ZNF706: variants seen among roughly 807,000 people sequenced by gnomAD.
The protein encoded by ZNF706 is transcriptional regulator ZNF706.
Under a neutral mutation model 9.2 loss-of-function variants are expected in ZNF706, and 4 were observed. The ratio of observed to expected loss-of-function variants is 0.43; its 90% CI spans 0.21 to 0.99. The LOEUF (loss-of-function observed/expected upper bound fraction) is 0.99, where lower values mean the gene tolerates loss of function less well. Among genes scored for constraint, ZNF706 ranks in the 50% least tolerant of loss-of-function variants. The pLI, the probability that ZNF706 is intolerant of heterozygous loss-of-function variation, is 0.26. For synonymous variants in ZNF706, 28 were observed against 27.3 expected (o/e 1.03, Z -0.08); for missense variants, 27 against 87.8 (o/e 0.31, Z 2.77).
rs1394422646 is a variant in ZNF706 at position 101,198,740 on chromosome 8, C to G, written c.*512G>C. ...CAGATAAGTCATTTTTCACCTAGAT[C>G]ATCAGCTGCCCATAAAATCGTATGC... On this transcript the variant is annotated 3_prime_UTR_variant, in exon 4 of 4. Transcript: ENST00000311212. 6.5e-6 allele frequency: 1 copy of G among 153,196 alleles called. No homozygotes were observed. The highest frequency in any genetic ancestry group is 1.5e-5 in the Non-Finnish European group (1 of 68,512). 9.5% of individuals were successfully genotyped at this position (153,196 alleles called of 1,614,324 possible). A position where few individuals can be genotyped will look rare whatever the true frequency, so the allele number is the denominator to read the frequency against.
In ZNF706 at chr8:101,201,569, C is replaced by A; in HGVS notation, c.135+38G>T. ...TTAATCTATTCAAGCCAAAACTGCC[C>A]ACGGGAGAGCTGTATCTTTCAATTC... On this transcript the variant is annotated intron_variant, in intron 2 of 3. Coordinates refer to ENST00000311212, the MANE Select transcript of ZNF706 (RefSeq NM_016096.5). This position sits in a 1 kb window ranked among gnomAD's most constrained non-coding sequence, Gnocchi z 4.5. 3 of 1,588,414 alleles carry A rather than the reference C, an allele frequency of 1.9e-6. No individual in the cohort carries two copies. The highest frequency in any genetic ancestry group is 2.6e-6 in the Non-Finnish European group (3 of 1,168,470).
chr8:101,204,856 T>C (rs1418469975), intron 1 of ZNF706: 3 of 985,424 alleles, frequency 3.0e-6, no homozygotes, highest in Admixed American at 6.1e-5. Context: ...TCCATAACCA[T>C]CGGAAAGGAA....
At chr8:101,199,882 G>T in intron 3 of ZNF706, 108 bp downstream of exon 3, 1 of 734,738 alleles carries the variant, frequency 1.4e-6, no homozygotes, top group Non-Finnish European at 2.2e-6. Context: ...AAAAGGGGAA[G>T]CAATAAAATC....
Position 101,198,380 on chromosome 8 carries a change from C to G in ZNF706, c.*872G>C, listed in dbSNP as rs1810437714. On this transcript the variant is annotated 3_prime_UTR_variant, in exon 4 of 4. Coordinates refer to ENST00000311212, the MANE Select transcript of ZNF706 (RefSeq NM_016096.5). ...TGGCCAAATAGTAACTTCCAAAAAC[C>G]TCAAAAATTAATGTTTCAATTTCAA... The G allele has an allele frequency of 6.6e-6, 1 of 152,060 alleles. No homozygotes were observed. Among genetic ancestry groups the G allele is most frequent in the Non-Finnish European group, 1.5e-5 (1 of 67,990 alleles). The allele number at this position is 152,060 out of a possible 1,614,324, so 9.4% of individuals were successfully genotyped here. A position where few individuals can be genotyped will look rare whatever the true frequency, so the allele number is the denominator to read the frequency against.
At chr8:101,204,505 A>T in intron 1 of ZNF706, 1 of 529,666 alleles carries the variant, frequency 1.9e-6, no homozygotes, top group Non-Finnish European at 2.4e-6. Context: ...AGAAATTCAA[A>T]CGAACCAACC....
At chr8:101,203,425 C>G (rs1810636988) in intron 1 of ZNF706, 1 of 152,096 alleles carries the variant, frequency 6.6e-6, no homozygotes, top group Non-Finnish European at 1.5e-5. Context: ...GGGAAGGGTG[C>G]TAGCTTCTTC....
rs933727109 is a variant in ZNF706, at chr8:101,198,568, C to T, written c.*684G>A. ...TCACAAGGGCTCACTGACAATCCAA[C>T]CGCTTTTAGGAAGCTATCAGTTATC... On this transcript the variant is annotated 3_prime_UTR_variant, in exon 4 of 4. Transcript: ENST00000311212. 6.6e-6 allele frequency: 1 copy of T among 152,196 alleles called. No individual in the cohort carries two copies. Among genetic ancestry groups the T allele is most frequent in the African/African-American group, 2.4e-5 (1 of 41,446 alleles). The allele number at this position is 152,196 out of a possible 1,614,324, so 9.4% of individuals were successfully genotyped here.
chr8:101,200,054 C>G lies in ZNF706; in HGVS notation c.179G>C (p.Ser60Thr). 1 of 1,612,342 alleles carries G rather than the reference C, an allele frequency of 6.2e-7. No homozygotes were observed. The highest frequency in any genetic ancestry group is 8.5e-7 in the Non-Finnish European group (1 of 1,179,674). Residue 60 changes from serine (S) to threonine (T), a missense_variant, in exon 3 of 4, where the codon AGC (serine) becomes ACC (threonine). Physicochemically the swap from Ser to Thr is moderately conservative, Grantham distance 58 (BLOSUM62 1). Transcript: ENST00000311212. ...AGGAAGTGGAGTCTTAGGATGCTTG[C>G]TCTCAAAGTGCTGCTTGAAGGTCTT... The part of the protein sequence containing the change: ...DPKTFKQHFE[S>T]KHPKTPLPPE...
chr8:101,204,516 A>G (rs1036920524), intron 1 of ZNF706: 5 of 620,762 alleles, frequency 8.1e-6, no homozygotes, highest in Non-Finnish European at 1.0e-5. Context: ...CGAACCAACC[A>G]CCTGCTTTTG....
Position 101,200,098 on chromosome 8 carries a change from C to T in ZNF706, c.136-1G>A. On this transcript the variant is annotated splice_acceptor_variant, in intron 2 of 3. Coordinates refer to ENST00000311212, the MANE Select transcript of ZNF706 (RefSeq NM_016096.5). LOFTEE classifies it high-confidence loss of function. ...AGGTCTTAGGGTCTGGCATTTGTGT[C>T]TAACAAAAAATTGTGCAAAAGAGAG... is the stretch of plus-strand genomic sequence containing the variant. The T allele has an allele frequency of 6.2e-7, 1 of 1,611,892 alleles. No homozygotes were observed. Among genetic ancestry groups the T allele is most frequent in the Non-Finnish European group, 8.5e-7 (1 of 1,179,114 alleles).
In ZNF706 at chr8:101,199,066, A is replaced by C. The variant is rs1291315110; in HGVS notation, c.*186T>G. 4 of 477,404 alleles carry C rather than the reference A, an allele frequency of 8.4e-6. No homozygotes were observed. The highest frequency in any genetic ancestry group is 1.5e-5 in the Non-Finnish European group (4 of 268,508). 29.6% of individuals were successfully genotyped at this position (477,404 alleles called of 1,614,324 possible). A position where few individuals can be genotyped will look rare whatever the true frequency, so the allele number is the denominator to read the frequency against. ...TTTTCATATTTCCAAATCAGAGTCAACTGTACATTTACACAGAATTGTCTT... is the reference window on the plus strand; with the variant it reads ...TTTTCATATTTCCAAATCAGAGTCACCTGTACATTTACACAGAATTGTCTT... On this transcript the variant is annotated 3_prime_UTR_variant, in exon 4 of 4. Coordinates refer to ENST00000311212, the MANE Select transcript of ZNF706 (RefSeq NM_016096.5).
rs1810401207 is a variant in ZNF706, at chr8:101,197,430, T to C, written c.*1822A>G. 1 of 151,994 alleles carries C rather than the reference T, an allele frequency of 6.6e-6. No individual in the cohort carries two copies. The highest frequency in any genetic ancestry group is 2.4e-5 in the African/African-American group (1 of 41,374). 9.4% of individuals were successfully genotyped at this position (151,994 alleles called of 1,614,324 possible). A position where few individuals can be genotyped will look rare whatever the true frequency, so the allele number is the denominator to read the frequency against. ...TAAGATCAATGCAGCTATTTCCCTA[T>C]CACTGAGATATAGTGTTAAATATGG... On this transcript the variant is annotated 3_prime_UTR_variant, in exon 4 of 4. Coordinates refer to ENST00000311212, the MANE Select transcript of ZNF706 (RefSeq NM_016096.5).
At position 101,201,016 on chromosome 8, in the gene ZNF706, G is replaced by A. The variant is rs563524233; in HGVS notation, c.135+591C>T. The A allele has an allele frequency of 2.1e-3, 536 of 250,002 alleles. 2 individuals carry two copies. Among genetic ancestry groups the A allele is most frequent in the Admixed American group, 4.6e-3 (98 of 21,086 alleles). 15.5% of individuals were successfully genotyped at this position (250,002 alleles called of 1,614,324 possible). Reference sequence around the variant, plus strand: ...GTCAGTTTACTCTTCTGTAAAATGAGAACAATAAAAGTACTTTATCTTATA... The same window carrying A: ...GTCAGTTTACTCTTCTGTAAAATGAAAACAATAAAAGTACTTTATCTTATA... On this transcript the variant is annotated intron_variant, in intron 2 of 3. Transcript: ENST00000311212. This position sits in a 1 kb window ranked among gnomAD's most constrained non-coding sequence, Gnocchi z 4.5.
chr8:101,203,758 A>G (rs1810648713), intron 1 of ZNF706: 1 of 152,186 alleles, frequency 6.6e-6, no homozygotes, highest in African/African-American at 2.4e-5. Context: ...ACAATGGTAA[A>G]TATTACCAGC....
At position 101,201,221 on chromosome 8, in the gene ZNF706, A is replaced by G. The variant is rs1167265334; in HGVS notation, c.135+386T>C. On this transcript the variant is annotated intron_variant, in intron 2 of 3. Transcript: ENST00000311212. This position sits in a 1 kb window ranked among gnomAD's most constrained non-coding sequence, Gnocchi z 4.5. ...TCTATATGGTTTTACAGACATCCTA[A>G]TTATAAATTTAGTGAAGAAAAAACC... is the stretch of plus-strand genomic sequence containing the variant. The G allele has an allele frequency of 5.7e-6, 1 of 173,930 alleles. No individual in the cohort carries two copies. Among genetic ancestry groups the G allele is most frequent in the Non-Finnish European group, 1.2e-5 (1 of 81,092 alleles). The allele number at this position is 173,930 out of a possible 1,614,324, so 10.8% of individuals were successfully genotyped here. A position where few individuals can be genotyped will look rare whatever the true frequency, so the allele number is the denominator to read the frequency against.
At position 101,197,965 on chromosome 8, in the gene ZNF706, G is replaced by C. The variant is rs186793876; in HGVS notation, c.*1287C>G. 240 of 152,254 alleles carry C rather than the reference G, an allele frequency of 1.6e-3. No homozygotes were observed. The highest frequency in any genetic ancestry group is 5.3e-3 in the African/African-American group (221 of 41,554). The allele number at this position is 152,254 out of a possible 1,614,324, so 9.4% of individuals were successfully genotyped here. On this transcript the variant is annotated 3_prime_UTR_variant, in exon 4 of 4. Transcript: ENST00000311212. The stretch of plus-strand genomic sequence containing the variant: ...GATAAATGGCTCTAAGCAGTTACCA[G>C]TAAGTATTTTAGTGTTCTTTCTATT...
At position 101,201,592 on chromosome 8, in the gene ZNF706, T is replaced by G. The variant is rs371692628; in HGVS notation, c.135+15A>C. On this transcript the variant is annotated intron_variant, in intron 2 of 3. Coordinates refer to ENST00000311212, the MANE Select transcript of ZNF706 (RefSeq NM_016096.5). This position sits in a 1 kb window ranked among gnomAD's most constrained non-coding sequence, Gnocchi z 4.5. The stretch of plus-strand genomic sequence containing the variant: ...CCCACGGGAGAGCTGTATCTTTCAA[T>G]TCAATTCCCCTTACCCTACAGACAG... 8.3e-5 allele frequency: 133 copies of G among 1,608,328 alleles called. No homozygotes were observed. The highest frequency in any genetic ancestry group is 1.1e-4 in the Non-Finnish European group (127 of 1,178,430).
At chr8:101,202,102 A>T (rs944360512) in intron 1 of ZNF706, among the ~76,000 whole-genome samples, 2 of 152,098 alleles carry the variant, frequency 1.3e-5, no homozygotes, top group Admixed American at 1.3e-4. Flanking sequence ...CACAACTTGT[A>T]TACATATTTT....
In ZNF706 at chr8:101,201,743, T is replaced by C; in HGVS notation, c.-2A>G. 1 of 1,614,070 alleles carries C rather than the reference T, an allele frequency of 6.2e-7. No homozygotes were observed. The highest frequency in any genetic ancestry group is 8.5e-7 in the Non-Finnish European group (1 of 1,180,014). On this transcript the variant is annotated splice_region_variant and 5_prime_UTR_variant, in exon 2 of 4. Transcript: ENST00000311212. This position sits in a 1 kb window ranked among gnomAD's most constrained non-coding sequence, Gnocchi z 4.5. ...AATTTTCTGCTGTCCACGAGCCATA[T>C]CTAAAAACAGAAGGTGAAGCATTAG... is the stretch of plus-strand genomic sequence containing the variant.
Sources: gnomAD v4.1 joint callset for allele counts (sites outside exome capture counted in the v4.1 genomes callset) on GRCh38, gnomAD v4.1.1 for gene constraint, Gnocchi (gnomAD v3.1) non-coding constraint, MANE v1.5 for transcripts, NCBI Gene and HGNC (gene_info 2026-07-23, HGNC 2026-07-21) for gene names.